Variants in COCH observed in about 807,000 individuals in gnomAD.
COCH encodes coagulation factor C homolog, cochlin (Limulus polyphemus).
A neutral mutation model predicts 54.8 loss-of-function variants in COCH; 40 were observed. That is an observed-to-expected ratio of 0.73 (90% CI 0.57 to 0.95). The LOEUF is 0.95. Among genes scored for constraint, COCH ranks in the 40% least tolerant of loss-of-function variants. The probability of loss-of-function intolerance (pLI) is 0.00; values close to 1 mark genes in which losing one functional copy is unlikely to be tolerated. For missense variants in COCH, 605 were observed against 675.0 expected, an observed-to-expected ratio of 0.90 and a Z score of 1.15; for synonymous variants, 256 against 237.9, an observed-to-expected ratio of 1.08 and a Z score of -0.70.
intron 8 of COCH, 75 bp from the exon 9 acceptor site, chr14:30,884,477 GT>G: frequency 2.0e-6 from 2 of 1,000,202 alleles, no homozygotes; most frequent in Non-Finnish European, 3.1e-6. Flanking sequence ...TTTTAAAACT[GT>G]TTTTTAAGGC....
At chr14:30,894,672 A>G (rs1896079346), downstream of COCH, 1 of 161,894 alleles carries the variant, frequency 6.2e-6, no homozygotes, top group African/African-American at 2.4e-5. Context: ...GGAAGGACTT[A>G]GCTGAGCTGT....
intron 8 of COCH, 135 bp from the exon 9 acceptor site, chr14:30,884,418 A>G (rs532737089): frequency 1.7e-4 from 110 of 654,986 alleles, no homozygotes; most frequent in Non-Finnish European, 2.8e-4. Flanking sequence ...GCAATGCCTC[A>G]GTTGACTATG....
In COCH at chr14:30,875,481, G is replaced by T. The variant is rs1895324940; in HGVS notation, c.82+378G>T. 5.8e-6 allele frequency: 3 copies of T among 519,510 alleles called. No individual in the cohort carries two copies. In the South Asian group the frequency reaches 1.0e-4, roughly 18 times the overall value. 32.2% of individuals were successfully genotyped at this position (519,510 alleles called of 1,614,324 possible). On this transcript the variant is annotated intron_variant, in intron 3 of 11. Coordinates refer to ENST00000396618, the MANE Select transcript of COCH (RefSeq NM_004086.3). ...ACCAGTCCTGGGCTCTGCTGCGTTT[G>T]GGGGTGGAGGAGAAGCCGCCCAGAC...
chr14:30,880,390 G>T, intron 6 of COCH, 62 bp from the exon 7 acceptor site: 1 of 1,601,642 alleles, frequency 6.2e-7, no homozygotes, highest in Non-Finnish European at 8.5e-7. Context: ...TTCTCCCCAT[G>T]TGGGTTTCTT....
At chr14:30,882,272 G>A (rs1385199381) in intron 8 of COCH, among the ~76,000 whole-genome samples, 1 of 151,538 alleles carries the variant, frequency 6.6e-6, no homozygotes, top group Non-Finnish European at 1.5e-5. Flanking sequence ...TGGGATCACA[G>A]GTGTGCACTA....
At chr14:30,895,298 G>C (rs1332437656), downstream of COCH, 4 of 1,076,548 alleles carry the variant, frequency 3.7e-6, no homozygotes, top group African/African-American at 6.3e-5. Context: ...GCCCCAGATA[G>C]CCTTCACCAG....
rs375557235 is a variant in COCH at position 30,886,861 on chromosome 14, G to A, written c.1477+549G>A. Among the ~76,000 whole-genome samples the A allele has an allele frequency of 3.1e-4, 47 of 152,264 alleles. 1 individual carries two copies. The highest frequency in any genetic ancestry group is 1.1e-3 in the African/African-American group (45 of 41,530). The stretch of plus-strand genomic sequence containing the variant: ...GCCTTCCAAATAGCTAGGACGACAG[G>A]CACATGCCACTGCCCCTGGCTAATT... On this transcript the variant is annotated intron_variant, in intron 11 of 11. Coordinates refer to ENST00000396618, the MANE Select transcript of COCH (RefSeq NM_004086.3).
downstream of COCH, chr14:30,894,680 T>C: frequency 6.1e-6 from 1 of 164,622 alleles, no homozygotes; most frequent in Non-Finnish European, 1.3e-5. Flanking sequence ...TTAGCTGAGC[T>C]GTATTAGGCA....
chr14:30,880,808 T>G, intron 8 of COCH, 74 bp downstream of exon 8: 1 of 1,095,150 alleles, frequency 9.1e-7, no homozygotes, highest in Non-Finnish European at 1.4e-6. Context: ...TTATATATAC[T>G]TATGGGGTAC....
intron 11 of COCH, among the ~76,000 whole-genome samples, chr14:30,888,831 TTGGGATTGGGGTGAATCCAACTAA>T: frequency 6.6e-6 from 1 of 151,300 alleles, no homozygotes; most frequent in Admixed American, 6.6e-5. Context: ...ACTTCTACAA[TTGGGATTGGGGTGAATCCAACTAA>T]TGTATTATTA....
chr14:30,893,149 A>ATTTT (rs754080275), downstream of COCH, among the ~76,000 whole-genome samples: 59 of 91,244 alleles, frequency 6.5e-4, 1 homozygote, highest in African/African-American at 2.2e-3. Context: ...AAAAACCACA[A>ATTTT]TTTTTTTTTT....
At position 30,880,738 on chromosome 14, in the gene COCH, C is replaced by A; in HGVS notation, c.629+4C>A. On this transcript the variant is annotated splice_donor_region_variant and intron_variant, in intron 8 of 11. Coordinates refer to ENST00000396618, the MANE Select transcript of COCH (RefSeq NM_004086.3). Reference sequence around the variant, plus strand: ...ATGTGGGCCTTGTTCAAGCCAGGTACCAACCTTGTTAAAATGGGAGATTTA... The same window carrying A: ...ATGTGGGCCTTGTTCAAGCCAGGTAACAACCTTGTTAAAATGGGAGATTTA... 6.2e-7 allele frequency: 1 copy of A among 1,609,046 alleles called. No individual in the cohort carries two copies. The highest frequency in any genetic ancestry group is 8.5e-7 in the Non-Finnish European group (1 of 1,175,906).
Position 30,875,109 on chromosome 14 carries a change from T to TG in COCH, c.82+11dup, listed in dbSNP as rs1334664319. ...CGCGGGCAGCGAGGGAGCCGGTGAG[T>TG]GGGGGAGCTGGGGTGCGTCCAGGCG... On this transcript the variant is annotated splice_region_variant and intron_variant, in intron 3 of 11. Transcript: ENST00000396618. The TG allele has an allele frequency of 6.4e-7, 1 of 1,558,644 alleles. No individual in the cohort carries two copies. The highest frequency in any genetic ancestry group is 1.4e-5 in the African/African-American group (1 of 73,400).
chr14:30,887,950 G>A (rs931393374), intron 11 of COCH, among the ~76,000 whole-genome samples: 3 of 152,104 alleles, frequency 2.0e-5, no homozygotes, highest in Non-Finnish European at 2.9e-5. Context: ...AAGTGATTAG[G>A]TTGATTAAAG....
chr14:30,889,455 A>G lies in COCH; in HGVS notation c.1478-161A>G. On this transcript the variant is annotated intron_variant, in intron 11 of 11. Coordinates refer to ENST00000396618, the MANE Select transcript of COCH (RefSeq NM_004086.3). The stretch of plus-strand genomic sequence containing the variant: ...CCACTCTTTTGCCACTCTCGTCACA[A>G]TGACTGTGAAAACTTAATTTGTTCA... 3 of 662,212 alleles carry G rather than the reference A, an allele frequency of 4.5e-6. No individual in the cohort carries two copies. In the South Asian group the frequency reaches 5.5e-5, roughly 12 times the overall value. 41.0% of individuals were successfully genotyped at this position (662,212 alleles called of 1,614,324 possible).
At chr14:30,885,275 GC>G in intron 9 of COCH, 118 bp from the exon 10 acceptor site, 2 of 986,690 alleles carry the variant, frequency 2.0e-6, no homozygotes, top group Non-Finnish European at 3.1e-6. Flanking sequence ...TGTGTGCCCC[GC>G]CCCACTGCCA....
downstream of COCH, chr14:30,895,245 A>T: frequency 1.4e-6 from 1 of 701,810 alleles, no homozygotes; most frequent in Non-Finnish European, 2.3e-6. Context: ...CAGTTAACTT[A>T]ATGAGCTTGA....
chr14:30,885,255 A>C, intron 9 of COCH, 139 bp from the exon 10 acceptor site: 2 of 958,590 alleles, frequency 2.1e-6, no homozygotes, highest in Non-Finnish European at 3.2e-6. Flanking sequence ...GGTTCTATAT[A>C]ATTCTTTTTT....
chr14:30,893,147 CAATTTTTTTTT>C (rs1896029970), downstream of COCH, among the ~76,000 whole-genome samples: 2 of 92,120 alleles, frequency 2.2e-5, no homozygotes, highest in South Asian at 6.1e-4. Flanking sequence ...GCAAAAACCA[CAATTTTTTTTT>C]TTTTTTTTTT....
Sources: allele counts gnomAD v4.1 joint callset (sites outside exome capture counted in the v4.1 genomes callset), GRCh38; gene constraint gnomAD v4.1.1; transcripts MANE v1.5; gene names NCBI Gene and HGNC (gene_info 2026-07-23, HGNC 2026-07-21).